The following PLXNA2 variants were observed in gnomAD, a reference collection of about 807,000 sequenced individuals.
PLXNA2 encodes plexin A2.
Under a neutral mutation model 193.5 loss-of-function variants are expected in PLXNA2, and 91 were observed. The ratio of observed to expected loss-of-function variants is 0.47; its 90% CI spans 0.40 to 0.56. The LOEUF (loss-of-function observed/expected upper bound fraction) is 0.56. PLXNA2 is among the 20% of genes least tolerant of loss of function. The probability of loss-of-function intolerance (pLI) is 0.00; values close to 1 mark genes in which losing one functional copy is unlikely to be tolerated. For missense variants in PLXNA2, 1,995 were observed against 2,503.2 expected (o/e 0.80, Z 4.33); for synonymous variants, 997 against 1,027.3 (o/e 0.97, Z 0.56).
Position 208,060,731 on chromosome 1 carries a change from C to T in PLXNA2, c.2693G>A (p.Gly898Glu). ...SEIAHHVQVA[G>E]VPCTPLPGEY... ...CCCTGGGAGGGGCGTGCAGGGCACCCCAGCCACCTGCACATGGTGGGCGAT... is the reference window on the plus strand; with the variant it reads ...CCCTGGGAGGGGCGTGCAGGGCACCTCAGCCACCTGCACATGGTGGGCGAT... The change falls in exon 13 of 32, where the codon GGG becomes GAG. Residue 898 changes from glycine to glutamate, a missense_variant. Gly to Glu is a moderately conservative substitution (Grantham distance 98). Coordinates refer to ENST00000367033, the MANE Select transcript of PLXNA2 (RefSeq NM_025179.4). 1 of 1,613,976 alleles carries T rather than the reference C, an allele frequency of 6.2e-7. No individual in the cohort carries two copies. The highest frequency in any genetic ancestry group is 8.5e-7 in the Non-Finnish European group (1 of 1,179,944).
intron 3 of PLXNA2, among the ~76,000 whole-genome samples, chr1:208,150,016 C>T (rs184033045): frequency 9.9e-5 from 15 of 152,284 alleles, no homozygotes; most frequent in East Asian, 1.9e-4. Context: ...GAGCCTGGCC[C>T]TAAATGCTTG....
chr1:208,025,996 C>T lies in PLXNA2; in HGVS notation c.*1247G>A, dbSNP rs1016270735. The T allele has an allele frequency of 2.0e-5, 3 of 152,594 alleles. No individual in the cohort carries two copies. Among genetic ancestry groups the T allele is most frequent in the African/African-American group, 4.8e-5 (2 of 41,440 alleles). The allele number at this position is 152,594 out of a possible 1,614,324, so 9.5% of individuals were successfully genotyped here. On this transcript the variant is annotated 3_prime_UTR_variant, in exon 32 of 32. Transcript: ENST00000367033. The stretch of plus-strand genomic sequence containing the variant: ...AAGGGTGGTCTCCCCTCTCCAGGCA[C>T]GAGAGAATGAAAGAAAGAAAGCATA...
At chr1:208,124,198 C>T (rs1293191539) in intron 4 of PLXNA2, among the ~76,000 whole-genome samples, 1 of 152,120 alleles carries the variant, frequency 6.6e-6, no homozygotes, top group Non-Finnish European at 1.5e-5. Context: ...AAGGGAACAA[C>T]AGACACTGGG....
rs990909552 is a variant in PLXNA2 at position 208,029,984 on chromosome 1, T to A, written c.5226-942A>T. The A allele has an allele frequency of 7.1e-6, 7 of 985,608 alleles. No homozygotes were observed. The African/African-American group carries it at 1.0e-4, about 15-fold the overall frequency. 61.1% of individuals were successfully genotyped at this position (985,608 alleles called of 1,614,324 possible). The stretch of plus-strand genomic sequence containing the variant: ...ATGATGTTCCCAGCTCCCCAGCTTC[T>A]TCTTCTCTCCCCTCCTTCATCTTCT... On this transcript the variant is annotated intron_variant, in intron 29 of 31. Transcript: ENST00000367033.
chr1:208,180,103 A>G (rs1669791205), intron 3 of PLXNA2, among the ~76,000 whole-genome samples: 1 of 151,620 alleles, frequency 6.6e-6, no homozygotes, highest in South Asian at 2.1e-4. Context: ...ACTTGTGAAC[A>G]TGTGCTTGGG....
rs886572666 is a variant in PLXNA2 at position 208,106,366 on chromosome 1, AAAC to A, written c.1507-3122_1507-3120del. On this transcript the variant is annotated intron_variant, in intron 4 of 31. Transcript: ENST00000367033. Reference sequence around the variant, plus strand: ...GCCAGTGCTAGGCACTTCAGAATAAAAACAACGACAGCATTAAAACACAACTAG... The same window carrying A: ...GCCAGTGCTAGGCACTTCAGAATAAAAACGACAGCATTAAAACACAACTAG... Among the ~76,000 whole-genome samples, 5 of 152,352 alleles carry A rather than the reference AAAC, an allele frequency of 3.3e-5. No homozygotes were observed. The South Asian group carries it at 6.2e-4, about 19-fold the overall frequency.
At chr1:208,046,686 T>C (rs973247840) in intron 17 of PLXNA2, among the ~76,000 whole-genome samples, 22 of 150,164 alleles carry the variant, frequency 1.5e-4, no homozygotes, top group African/African-American at 5.4e-4. Context: ...CTTACCTAGA[T>C]AAGGAGAGGG....
chr1:208,136,920 T>C (rs1015766695), intron 4 of PLXNA2, among the ~76,000 whole-genome samples: 5 of 152,224 alleles, frequency 3.3e-5, no homozygotes, highest in African/African-American at 9.6e-5. Flanking sequence ...GACATGATGC[T>C]GGGTGATTTA....
intron 4 of PLXNA2, among the ~76,000 whole-genome samples, chr1:208,131,054 C>A (rs978767482): frequency 6.6e-6 from 1 of 152,186 alleles, no homozygotes; most frequent in Non-Finnish European, 1.5e-5. Flanking sequence ...CAAGCCTGAA[C>A]CATTTGTATG....
intron 12 of PLXNA2, among the ~76,000 whole-genome samples, chr1:208,066,047 TGTGA>T (rs539947800): frequency 1.7e-3 from 258 of 152,144 alleles, no homozygotes; most frequent in Non-Finnish European, 3.3e-3. Flanking sequence ...TGTGTGTGTG[TGTGA>T]GTGAGTGTGT....
At chr1:208,139,307 C>A (rs986343295) in intron 4 of PLXNA2, among the ~76,000 whole-genome samples, 1 of 152,112 alleles carries the variant, frequency 6.6e-6, no homozygotes, top group African/African-American at 2.4e-5. Context: ...GAGATGGGGC[C>A]AGGCCTAGAA....
rs199595677 is a variant in PLXNA2 at position 208,084,358 on chromosome 1, G to A, written c.2298+22C>T. On this transcript the variant is annotated intron_variant, in intron 10 of 31. Transcript: ENST00000367033. ...TGAGAGGAAGCCCTGCTCCAGGCAG[G>A]GCCCAGCCTGCGTTTTCTTACCGAG... 433 of 1,612,734 alleles carry A rather than the reference G, an allele frequency of 2.7e-4. 4 individuals are homozygous for A. The African/African-American group carries it at 5.2e-3, about 19-fold the overall frequency.
At chr1:208,154,734 A>G (rs80300511) in intron 3 of PLXNA2, among the ~76,000 whole-genome samples, 5,405 of 152,264 alleles carry the variant, frequency 0.035, 310 homozygotes, top group African/African-American at 0.12. Context: ...CTTCCCTTCC[A>G]ATAGACATTG....
chr1:208,219,288 CA>C (rs1671243676), intron 1 of PLXNA2, among the ~76,000 whole-genome samples: 2 of 152,182 alleles, frequency 1.3e-5, no homozygotes, highest in South Asian at 4.1e-4. Flanking sequence ...AGTCAGAGAG[CA>C]GAGCCTGGAG....
At chr1:208,080,620 C>T (rs953582479) in intron 11 of PLXNA2, among the ~76,000 whole-genome samples, 1 of 152,190 alleles carries the variant, frequency 6.6e-6, no homozygotes, top group Non-Finnish European at 1.5e-5. Flanking sequence ...CTATGTCCAG[C>T]ATCCTTTAGT....
chr1:208,123,944 T>G (rs181269959), intron 4 of PLXNA2, among the ~76,000 whole-genome samples: 6 of 152,280 alleles, frequency 3.9e-5, no homozygotes, highest in Admixed American at 6.5e-5. Context: ...AGGTATCTAT[T>G]CCATCTAGTT....
intron 3 of PLXNA2, among the ~76,000 whole-genome samples, chr1:208,158,870 C>T (rs1167069771): frequency 6.6e-6 from 1 of 152,200 alleles, no homozygotes; most frequent in African/African-American, 2.4e-5. Flanking sequence ...AAATGGGTCG[C>T]TTTTCTTGGC....
intron 4 of PLXNA2, among the ~76,000 whole-genome samples, chr1:208,128,902 C>T (rs974309629): frequency 2.0e-5 from 3 of 152,122 alleles, no homozygotes; most frequent in Admixed American, 6.5e-5. Flanking sequence ...GGGGTTTCAC[C>T]GTGTTAGCCA....
intron 9 of PLXNA2, among the ~76,000 whole-genome samples, chr1:208,085,868 T>A (rs962221859): frequency 6.6e-6 from 1 of 152,224 alleles, no homozygotes; most frequent in African/African-American, 2.4e-5. Context: ...CTTTTCCGTC[T>A]ATTAGAAACA....
Sources: allele counts gnomAD v4.1 joint callset (sites outside exome capture counted in the v4.1 genomes callset), GRCh38; gene constraint gnomAD v4.1.1; transcripts MANE v1.5; gene names NCBI Gene and HGNC (gene_info 2026-07-23, HGNC 2026-07-21).